The following NUDCD3 variants were observed in gnomAD, a reference collection of about 807,000 sequenced individuals.
NUDCD3 encodes the protein NudC domain containing 3, also known as nudC domain-containing protein 3.
In NUDCD3, 13 loss-of-function variants were observed where a neutral mutation model predicts 39.7. That is an observed-to-expected ratio of 0.33 (90% CI 0.21 to 0.52). The LOEUF is 0.52. Ranked by LOEUF, NUDCD3 falls within the 20% of genes least tolerant of loss-of-function variation. The pLI, the probability that NUDCD3 is intolerant of heterozygous loss-of-function variation, is 0.96. For missense variants in NUDCD3, 453 were observed against 458.1 expected (o/e 0.99, Z 0.10); for synonymous variants, 175 against 172.4 (o/e 1.02, Z -0.12).
intron 2 of NUDCD3, among the ~76,000 whole-genome samples, chr7:44,454,835 T>TG (rs968756995): frequency 1.3e-5 from 2 of 151,928 alleles, no homozygotes; most frequent in Non-Finnish European, 2.9e-5. Flanking sequence ...CCAGAGGCTA[T>TG]GGGTAGGAGG....
chr7:44,395,218 G>A (rs1311711530), intron 4 of NUDCD3, among the ~76,000 whole-genome samples: 1 of 152,180 alleles, frequency 6.6e-6, no homozygotes, highest in Non-Finnish European at 1.5e-5. Context: ...CAGTTCTCCA[G>A]TCACGTGAGC....
chr7:44,387,673 C>G (rs868124759), intron 5 of NUDCD3, among the ~76,000 whole-genome samples: 41 of 152,180 alleles, frequency 2.7e-4, no homozygotes, highest in Non-Finnish European at 8.8e-5. Flanking sequence ...CCTGGGAACC[C>G]GGGTTGCTGC....
At chr7:44,476,528 G>A (rs545651001) in intron 2 of NUDCD3, among the ~76,000 whole-genome samples, 112 of 152,280 alleles carry the variant, frequency 7.4e-4, no homozygotes, top group African/African-American at 2.6e-3. Flanking sequence ...ACCAGGAAGT[G>A]GGCCCTCACC....
chr7:44,408,415 G>C (rs1798867395), intron 3 of NUDCD3, among the ~76,000 whole-genome samples: 1 of 152,162 alleles, frequency 6.6e-6, no homozygotes, highest in South Asian at 2.1e-4. Context: ...GGCAGAAAGA[G>C]ATTTCTAGAC....
Position 44,392,495 on chromosome 7 carries a change from A to C in NUDCD3, c.787-10T>G. On this transcript the variant is annotated splice_polypyrimidine_tract_variant and intron_variant, in intron 4 of 5. Coordinates refer to ENST00000355451, the MANE Select transcript of NUDCD3 (RefSeq NM_015332.4). ...CCTTGCTCAGGTTCACCTGGGGACA[A>C]GCAGGACAGAGACCTGAGTCAGAGA... is the stretch of plus-strand genomic sequence containing the variant. 4 of 1,612,828 alleles carry C rather than the reference A, an allele frequency of 2.5e-6. No individual in the cohort carries two copies. Among genetic ancestry groups the C allele is most frequent in the Non-Finnish European group, 3.4e-6 (4 of 1,179,144 alleles).
At chr7:44,452,712 A>G (rs1163504039) in intron 2 of NUDCD3, among the ~76,000 whole-genome samples, 1 of 152,212 alleles carries the variant, frequency 6.6e-6, no homozygotes, top group Non-Finnish European at 1.5e-5. Flanking sequence ...TCAAGTCAGA[A>G]GCCAGGAAAG....
At chr7:44,410,139 A>C (rs1585060246) in intron 3 of NUDCD3, among the ~76,000 whole-genome samples, 2 of 152,360 alleles carry the variant, frequency 1.3e-5, no homozygotes, top group African/African-American at 4.8e-5. Context: ...TTGACATGAA[A>C]AAAATTACAC....
intron 2 of NUDCD3, among the ~76,000 whole-genome samples, chr7:44,440,608 A>G (rs1799563056): frequency 6.6e-6 from 1 of 151,636 alleles, no homozygotes; most frequent in South Asian, 2.1e-4. Context: ...CATGCCAACT[A>G]ACACTCAAAG....
chr7:44,412,926 CA>C (rs767754442), intron 3 of NUDCD3, among the ~76,000 whole-genome samples: 46 of 43,890 alleles, frequency 1.0e-3, no homozygotes, highest in Middle Eastern at 9.3e-3. Flanking sequence ...GACGCCGTCT[CA>C]AAAAAAAAAA....
chr7:44,467,876 A>C, intron 2 of NUDCD3: 1 of 1,565,944 alleles, frequency 6.4e-7, no homozygotes, highest in Non-Finnish European at 8.7e-7. Flanking sequence ...CGGAGGTGGC[A>C]GCCATCTCCT....
chr7:44,485,104 C>T lies in NUDCD3; in HGVS notation c.373G>A (p.Asp125Asn), dbSNP rs766766388. 5 of 1,614,212 alleles carry T rather than the reference C, an allele frequency of 3.1e-6. No individual in the cohort carries two copies. The highest frequency in any genetic ancestry group is 1.6e-4 in the Middle Eastern group (1 of 6,062). ...ACTTTCTCTACTTCCTGATGCCCAT[C>T]CAATTCTGTGGTGGAGTCAATCTCT... The part of the protein sequence containing the change: ...EIEIDSTTEL[D>N]GHQEVEKVQP... The change falls in exon 2 of 6, where the codon GAT becomes AAT. Residue 125 changes from aspartate (D) to asparagine (N), a missense_variant. Coordinates refer to ENST00000355451, the MANE Select transcript of NUDCD3 (RefSeq NM_015332.4).
At chr7:44,399,861 G>A (rs544893677) in intron 4 of NUDCD3, among the ~76,000 whole-genome samples, 1 of 152,258 alleles carries the variant, frequency 6.6e-6, no homozygotes, top group South Asian at 2.1e-4. Context: ...AATATATTAC[G>A]ATGAGTTTTA....
At chr7:44,475,889 T>G (rs909695596) in intron 2 of NUDCD3, among the ~76,000 whole-genome samples, 4 of 152,218 alleles carry the variant, frequency 2.6e-5, no homozygotes, top group Admixed American at 2.0e-4. Context: ...TTTCCAAATA[T>G]TGTACATTGA....
chr7:44,428,123 TAAAAAAAAA>T (rs55642004), intron 2 of NUDCD3, among the ~76,000 whole-genome samples: 47 of 76,108 alleles, frequency 6.2e-4, no homozygotes, highest in African/African-American at 1.8e-3. Flanking sequence ...GGTCAATCTT[TAAAAAAAAA>T]AAAAAAAAAA....
intron 3 of NUDCD3, among the ~76,000 whole-genome samples, chr7:44,420,753 T>C (rs1799122356): frequency 6.6e-6 from 1 of 152,134 alleles, no homozygotes; most frequent in Non-Finnish European, 1.5e-5. Flanking sequence ...CAAACTAAGC[T>C]TCATAAGTGA....
intron 4 of NUDCD3, among the ~76,000 whole-genome samples, chr7:44,399,010 C>T (rs1563165299): frequency 6.6e-6 from 1 of 152,216 alleles, no homozygotes; most frequent in South Asian, 2.1e-4. Flanking sequence ...AATTAAGACA[C>T]TGTATAGGCC....
intron 5 of NUDCD3, among the ~76,000 whole-genome samples, chr7:44,391,367 G>C (rs1038102077): frequency 4.6e-5 from 7 of 152,146 alleles, no homozygotes; most frequent in African/African-American, 1.7e-4. Flanking sequence ...GAACGGACGA[G>C]ACACAGCAAC....
chr7:44,473,466 A>G (rs1800297516), intron 2 of NUDCD3, among the ~76,000 whole-genome samples: 1 of 152,132 alleles, frequency 6.6e-6, no homozygotes, highest in South Asian at 2.1e-4. Context: ...CACTAAGGAG[A>G]AGCTACCTGG....
chr7:44,455,699 T>G (rs1284093375), intron 2 of NUDCD3, among the ~76,000 whole-genome samples: 3 of 152,148 alleles, frequency 2.0e-5, no homozygotes, highest in Non-Finnish European at 4.4e-5. Context: ...TAAGAGCATG[T>G]GTCTACCTGC....
Sources: gnomAD v4.1 joint callset for allele counts (sites outside exome capture counted in the v4.1 genomes callset) on GRCh38, gnomAD v4.1.1 for gene constraint, MANE v1.5 for transcripts, NCBI Gene and HGNC (gene_info 2026-07-23, HGNC 2026-07-21) for gene names.